ARFGAP1: variants seen among roughly 807,000 people sequenced by gnomAD.
ARFGAP1 encodes the protein ADP-ribosylation factor GTPase-activating protein 1.
A neutral mutation model predicts 54.0 loss-of-function variants in ARFGAP1; 26 were observed. That is an observed-to-expected ratio of 0.48 (90% CI 0.35 to 0.67). The LOEUF (loss-of-function observed/expected upper bound fraction) is 0.67. Ranked by LOEUF, ARFGAP1 falls within the 30% of genes least tolerant of loss-of-function variation. The pLI is 0.00. For synonymous variants in ARFGAP1, 248 were observed against 211.9 expected (o/e 1.17, Z -1.48); for missense variants, 525 against 535.8 (o/e 0.98, Z 0.20).
At chr20:63,282,550 G>A (rs1251414323) in intron 8 of ARFGAP1, among the ~76,000 whole-genome samples, 3 of 152,238 alleles carry the variant, frequency 2.0e-5, no homozygotes, top group South Asian at 2.1e-4. Context: ...TGGCCCTGCT[G>A]TTCCCTGGCC....
intron 1 of ARFGAP1, among the ~76,000 whole-genome samples, chr20:63,274,510 G>A (rs181345648): frequency 1.5e-4 from 23 of 152,222 alleles, no homozygotes; most frequent in South Asian, 4.1e-4. Flanking sequence ...CAGTACACAC[G>A]TGTGTAGCTT....
At chr20:63,287,414 A>G (rs1163092196) in intron 12 of ARFGAP1, 150 bp from the exon 13 acceptor site, 2 of 655,570 alleles carry the variant, frequency 3.1e-6, no homozygotes, top group Non-Finnish European at 4.8e-6. Flanking sequence ...AGCGGGAGAA[A>G]CAGATCCCAC....
chr20:63,281,417 G>A lies in ARFGAP1; in HGVS notation c.684+70G>A, dbSNP rs963142693. ...GGGACACTGGCTGCTGCTGGCCTGG[G>A]GTTCTGGGAGCTGCAGAAGGGATGT... On this transcript the variant is annotated intron_variant, in intron 8 of 12. Transcript: ENST00000370283. The A allele has an allele frequency of 7.3e-6, 11 of 1,515,942 alleles. No homozygotes were observed. In the African/African-American group the frequency reaches 1.1e-4, roughly 15 times the overall value. 93.9% of individuals were successfully genotyped at this position (1,515,942 alleles called of 1,614,324 possible). A position where few individuals can be genotyped will look rare whatever the true frequency, so the allele number is the denominator to read the frequency against.
chr20:63,286,500 C>T (rs1765612865), intron 12 of ARFGAP1, 58 bp downstream of exon 12: 1 of 1,525,122 alleles, frequency 6.6e-7, no homozygotes, highest in Admixed American at 1.8e-5. Context: ...GCCACTCCTC[C>T]TACAGGCTCT....
rs2067417548 is a variant in ARFGAP1 at position 63,282,753 on chromosome 20, C to T, written c.685-66C>T. 6.4e-6 allele frequency: 10 copies of T among 1,567,040 alleles called. No homozygotes were observed. The Admixed American group carries it at 1.0e-4, about 16-fold the overall frequency. ...CAGTCCTGGACCTGAGTCTGTGGGC[C>T]CTGAGGAAGGATGCCTGGCAGCCCA... On this transcript the variant is annotated intron_variant, in intron 8 of 12. Transcript: ENST00000370283.
At chr20:63,280,048 A>T (rs530654474) in intron 7 of ARFGAP1, among the ~76,000 whole-genome samples, 122 of 152,308 alleles carry the variant, frequency 8.0e-4, no homozygotes, top group African/African-American at 2.8e-3. Flanking sequence ...AAGCTGAGGC[A>T]GGAGAATTGC....
rs1230369741 is a variant in ARFGAP1, at chr20:63,279,141, GT to G, written c.627+150del. ...GGACCCCTCCCTTACCTTCAGCGAC[GT>G]TTTCTTTCAAAAATGTGGCTTAAAT... is the stretch of plus-strand genomic sequence containing the variant. On this transcript the variant is annotated intron_variant, in intron 7 of 12. Coordinates refer to ENST00000370283, the MANE Select transcript of ARFGAP1 (RefSeq NM_018209.4). The G allele has an allele frequency of 8.7e-6, 7 of 807,090 alleles. No homozygotes were observed. In the East Asian group the frequency reaches 1.3e-4, roughly 15 times the overall value. The allele number at this position is 807,090 out of a possible 1,614,324, so 50.0% of individuals were successfully genotyped here.
intron 8 of ARFGAP1, 125 bp from the exon 9 acceptor site, chr20:63,282,694 C>T (rs979276377): frequency 1.1e-6 from 1 of 936,580 alleles, no homozygotes; most frequent in African/African-American, 1.6e-5. Context: ...AGGGCCCGCC[C>T]AGAGCCGCTG....
Position 63,276,868 on chromosome 20 carries a change from G to T in ARFGAP1, c.342+217G>T. ...GGGAGACAGACCTTCCCCGCCTCCA[G>T]GGGAGAAAGCAGCTGTGACCGTTTA... On this transcript the variant is annotated intron_variant, in intron 4 of 12. Transcript: ENST00000370283. The surrounding 1 kb of genome is among the most constrained non-coding windows in gnomAD (Gnocchi z 5.2). 1 of 574,906 alleles carries T rather than the reference G, an allele frequency of 1.7e-6. No homozygotes were observed. Among genetic ancestry groups the T allele is most frequent in the Non-Finnish European group, 3.0e-6 (1 of 329,380 alleles). The allele number at this position is 574,906 out of a possible 1,614,324, so 35.6% of individuals were successfully genotyped here. A position where few individuals can be genotyped will look rare whatever the true frequency, so the allele number is the denominator to read the frequency against.
At chr20:63,278,843 C>A in intron 6 of ARFGAP1, 56 bp from the exon 7 acceptor site, 1 of 1,582,234 alleles carries the variant, frequency 6.3e-7, no homozygotes, top group Non-Finnish European at 8.7e-7. Flanking sequence ...CCCACGCCCT[C>A]GGGAGGAGCA....
At position 63,276,679 on chromosome 20, in the gene ARFGAP1, C is replaced by G. The variant is rs750590617; in HGVS notation, c.342+28C>G. ...AGAGATGGGCCCGATTCACTCTTGC[C>G]CATGGTGTGGGGCTGCCCTGCCGTT... On this transcript the variant is annotated intron_variant, in intron 4 of 12. Coordinates refer to ENST00000370283, the MANE Select transcript of ARFGAP1 (RefSeq NM_018209.4). The surrounding 1 kb of genome is among the most constrained non-coding windows in gnomAD (Gnocchi z 5.2). The G allele has an allele frequency of 6.3e-7, 1 of 1,581,052 alleles. No individual in the cohort carries two copies. Among genetic ancestry groups the G allele is most frequent in the Non-Finnish European group, 8.6e-7 (1 of 1,161,680 alleles).
At chr20:63,283,997 T>G in intron 9 of ARFGAP1, 3 of 1,520,328 alleles carry the variant, frequency 2.0e-6, no homozygotes, top group Non-Finnish European at 1.8e-6. Context: ...GTGCGCACGC[T>G]CAGACCCTCT....
Position 63,276,386 on chromosome 20 carries a change from G to GC in ARFGAP1, c.171-93dup, listed in dbSNP as rs1407576037. The GC allele has an allele frequency of 2.6e-6, 4 of 1,509,564 alleles. No homozygotes were observed. In the African/African-American group the frequency reaches 5.5e-5, roughly 21 times the overall value. The allele number at this position is 1,509,564 out of a possible 1,614,324, so 93.5% of individuals were successfully genotyped here. On this transcript the variant is annotated intron_variant, in intron 3 of 12. Transcript: ENST00000370283. This position sits in a 1 kb window ranked among gnomAD's most constrained non-coding sequence, Gnocchi z 5.2. ...GCCACTCAGCCTCCCTGCGGCTGCTGCTTGCTGTGTCTAATTCTCAGGACG... is the reference window on the plus strand; with the variant it reads ...GCCACTCAGCCTCCCTGCGGCTGCTGCCTTGCTGTGTCTAATTCTCAGGACG...
intron 10 of ARFGAP1, 94 bp from the exon 11 acceptor site, chr20:63,285,560 T>C: frequency 1.5e-6 from 2 of 1,339,362 alleles, no homozygotes; most frequent in Non-Finnish European, 2.1e-6. Flanking sequence ...CCCTGATATT[T>C]CGGATGCCCT....
In ARFGAP1 at chr20:63,276,278, C is replaced by T. The variant is rs561744227; in HGVS notation, c.170+78C>T. ...CTGTTCCTGACACCAGAGGTGCTGA[C>T]GCCAGGGAAGCTTGGGGGCCACCTC... is the stretch of plus-strand genomic sequence containing the variant. On this transcript the variant is annotated intron_variant, in intron 3 of 12. Transcript: ENST00000370283. This position sits in a 1 kb window ranked among gnomAD's most constrained non-coding sequence, Gnocchi z 5.2. The T allele has an allele frequency of 2.5e-4, 385 of 1,531,378 alleles. 2 individuals carry two copies. The South Asian group carries it at 3.0e-3, about 12-fold the overall frequency. 94.9% of individuals were successfully genotyped at this position (1,531,378 alleles called of 1,614,324 possible). A position where few individuals can be genotyped will look rare whatever the true frequency, so the allele number is the denominator to read the frequency against.
Position 63,281,357 on chromosome 20 carries a change from T to C in ARFGAP1, c.684+10T>C. The C allele has an allele frequency of 6.3e-7, 1 of 1,587,784 alleles. No homozygotes were observed. The highest frequency in any genetic ancestry group is 8.5e-7 in the Non-Finnish European group (1 of 1,171,388). ...GGCAGCCAAGGAGGGCGTAAGTCAC[T>C]GCCCCTGCCATGCCACCGTCCCCAC... is the stretch of plus-strand genomic sequence containing the variant. On this transcript the variant is annotated intron_variant, in intron 8 of 12. Coordinates refer to ENST00000370283, the MANE Select transcript of ARFGAP1 (RefSeq NM_018209.4).
At chr20:63,284,979 T>G (rs897246738) in intron 10 of ARFGAP1, 57 bp downstream of exon 10, 43 of 1,595,490 alleles carry the variant, frequency 2.7e-5, no homozygotes, top group Admixed American at 5.1e-5. Context: ...GGGACGTGGG[T>G]GTGTCAGGGG....
intron 11 of ARFGAP1, 198 bp downstream of exon 11, chr20:63,285,911 C>T: frequency 6.9e-7 from 1 of 1,459,030 alleles, no homozygotes; most frequent in East Asian, 2.5e-5. Context: ...GCGGCCCGGT[C>T]AGCCACTAAC....
In ARFGAP1 at chr20:63,288,365, A is replaced by G; in HGVS notation, c.*492A>G. On this transcript the variant is annotated 3_prime_UTR_variant, in exon 13 of 13. Coordinates refer to ENST00000370283, the MANE Select transcript of ARFGAP1 (RefSeq NM_018209.4). ...GGTAAAGATGGAAATGCTGGAAATG[A>G]TACTGGCGCTCACGCTGCCATCCGA... The G allele has an allele frequency of 2.2e-6, 1 of 456,764 alleles. No homozygotes were observed. Among genetic ancestry groups the G allele is most frequent in the Non-Finnish European group, 4.4e-6 (1 of 227,292 alleles). 28.3% of individuals were successfully genotyped at this position (456,764 alleles called of 1,614,324 possible). A position where few individuals can be genotyped will look rare whatever the true frequency, so the allele number is the denominator to read the frequency against.
Sources: allele counts gnomAD v4.1 joint callset (sites outside exome capture counted in the v4.1 genomes callset), GRCh38; gene constraint gnomAD v4.1.1; non-coding constraint Gnocchi (gnomAD v3.1); transcripts MANE v1.5; gene names NCBI Gene and HGNC (gene_info 2026-07-23, HGNC 2026-07-21).